Variants in UNC5D observed in about 807,000 individuals in gnomAD.
UNC5D encodes the protein unc-5 netrin receptor D.
UNC5D carries 39 observed loss-of-function variants against 105.4 expected under a neutral mutation model. That is an observed-to-expected ratio of 0.37 (90% CI 0.29 to 0.48). UNC5D has a LOEUF of 0.48. Among genes scored for constraint, UNC5D ranks in the 20% least tolerant of loss-of-function variants. The pLI is 0.98. For missense variants in UNC5D, 991 were observed against 1,202.4 expected (o/e 0.82, Z 2.60); for synonymous variants, 452 against 450.4 (o/e 1.00, Z -0.04).
intron 4 of UNC5D, among the ~76,000 whole-genome samples, chr8:35,643,272 G>T (rs1315505136): frequency 6.6e-6 from 1 of 152,238 alleles, no homozygotes; most frequent in East Asian, 1.9e-4. Context: ...GGAGGAAAAA[G>T]TCGCCCTTGG....
chr8:35,447,641 T>C (rs1476613171), intron 1 of UNC5D, among the ~76,000 whole-genome samples: 2 of 152,062 alleles, frequency 1.3e-5, no homozygotes, highest in Non-Finnish European at 2.9e-5. Flanking sequence ...TGGCAGACAA[T>C]TGTGTCCCCG....
chr8:35,492,530 C>G lies in UNC5D; in HGVS notation c.104-56762C>G, dbSNP rs542709778. ...TGTGTAAGGGCAAGAAGGATTTTTC[C>G]TCTTCCTCTGAAAGAGGAAGTCTGC... On this transcript the variant is annotated intron_variant, in intron 1 of 16. Transcript: ENST00000404895. Among the ~76,000 whole-genome samples the G allele has an allele frequency of 2.0e-5, 3 of 152,148 alleles. No homozygotes were observed. In the South Asian group the frequency reaches 6.2e-4, roughly 32 times the overall value.
At chr8:35,263,789 G>A (rs1804648248) in intron 1 of UNC5D, among the ~76,000 whole-genome samples, 1 of 152,160 alleles carries the variant, frequency 6.6e-6, no homozygotes, top group Admixed American at 6.5e-5. Context: ...AATCCTCCTG[G>A]ATGATCATCA....
chr8:35,339,763 G>A (rs191799438), intron 1 of UNC5D, among the ~76,000 whole-genome samples: 3 of 152,280 alleles, frequency 2.0e-5, no homozygotes, highest in Admixed American at 2.0e-4. Context: ...GGTTTATCTG[G>A]GGAGCCAGCA....
intron 1 of UNC5D, among the ~76,000 whole-genome samples, chr8:35,384,154 A>AG (rs1803225732): frequency 6.6e-6 from 1 of 150,678 alleles, no homozygotes; most frequent in African/African-American, 2.4e-5. Flanking sequence ...TGTGAGGCGG[A>AG]GTTGCAGTAA....
At chr8:35,356,424 T>A (rs1249890248) in intron 1 of UNC5D, among the ~76,000 whole-genome samples, 1 of 152,140 alleles carries the variant, frequency 6.6e-6, no homozygotes, top group African/African-American at 2.4e-5. Context: ...TGTCACCAGT[T>A]GGAACACATT....
chr8:35,406,588 A>G (rs1804815565), intron 1 of UNC5D, among the ~76,000 whole-genome samples: 1 of 152,188 alleles, frequency 6.6e-6, no homozygotes. Context: ...AGCTTCAAAA[A>G]GTATATTTCC....
At chr8:35,548,395 T>C (rs1252100060) in intron 1 of UNC5D, among the ~76,000 whole-genome samples, 1 of 152,204 alleles carries the variant, frequency 6.6e-6, no homozygotes, top group African/African-American at 2.4e-5. Context: ...GGGTACAAGA[T>C]GCCACTCCTC....
intron 16 of UNC5D, among the ~76,000 whole-genome samples, chr8:35,775,705 T>C (rs1222866038): frequency 6.6e-6 from 1 of 152,090 alleles, no homozygotes; most frequent in East Asian, 1.9e-4. Context: ...CCTACCTGAC[T>C]CTTTCTTCTC....
At chr8:35,676,873 G>A (rs968002290) in intron 4 of UNC5D, among the ~76,000 whole-genome samples, 6 of 151,884 alleles carry the variant, frequency 4.0e-5, no homozygotes, top group African/African-American at 1.2e-4. Flanking sequence ...TGTGGACGAG[G>A]GGGGCAAATC....
intron 1 of UNC5D, among the ~76,000 whole-genome samples, chr8:35,474,765 T>C (rs1175135645): frequency 6.6e-6 from 1 of 152,158 alleles, no homozygotes; most frequent in Admixed American, 6.5e-5. Flanking sequence ...CATGAGGCCA[T>C]TGAGATTTCA....
chr8:35,714,079 G>GATATCC (rs1828115734), intron 8 of UNC5D, among the ~76,000 whole-genome samples: 1 of 152,192 alleles, frequency 6.6e-6, no homozygotes, highest in South Asian at 2.1e-4. Context: ...GGGTGGAGGG[G>GATATCC]ACTGGTCCAT....
At chr8:35,507,618 T>A (rs1035860465) in intron 1 of UNC5D, among the ~76,000 whole-genome samples, 5 of 147,454 alleles carry the variant, frequency 3.4e-5, no homozygotes, top group African/African-American at 1.3e-4. Context: ...AGTAGTGGGG[T>A]GATGGGGGAG....
At chr8:35,775,602 C>A (rs1390616637) in intron 16 of UNC5D, among the ~76,000 whole-genome samples, 1 of 150,770 alleles carries the variant, frequency 6.6e-6, no homozygotes, top group African/African-American at 2.5e-5. Context: ...TCCTTTGGTA[C>A]TATTTTTTTT....
intron 3 of UNC5D, among the ~76,000 whole-genome samples, chr8:35,570,882 C>T (rs1314074926): frequency 1.3e-5 from 2 of 151,910 alleles, no homozygotes; most frequent in Non-Finnish European, 1.5e-5. Flanking sequence ...CACTTGAACC[C>T]GGGAGGCAGA....
chr8:35,478,739 T>G (rs1057271743), intron 1 of UNC5D, among the ~76,000 whole-genome samples: 23 of 152,210 alleles, frequency 1.5e-4, no homozygotes, highest in Non-Finnish European at 3.1e-4. Context: ...ACATTAAACA[T>G]TCTATGCTTT....
intron 4 of UNC5D, among the ~76,000 whole-genome samples, chr8:35,624,871 A>C (rs1821607621): frequency 6.6e-6 from 1 of 152,206 alleles, no homozygotes; most frequent in South Asian, 2.1e-4. Flanking sequence ...CATTTCACAT[A>C]TATATGTGAC....
intron 1 of UNC5D, among the ~76,000 whole-genome samples, chr8:35,417,723 T>G (rs758172990): frequency 1.3e-5 from 2 of 152,212 alleles, no homozygotes; most frequent in Non-Finnish European, 2.9e-5. Context: ...TGTCTTCACC[T>G]TTTTGTTATT....
chr8:35,719,858 G>GCACTGGCTTTCTTTCCCTA (rs1339209940), intron 8 of UNC5D, among the ~76,000 whole-genome samples: 1 of 151,952 alleles, frequency 6.6e-6, no homozygotes, highest in East Asian at 1.9e-4. Flanking sequence ...TGCTCGCCAT[G>GCACTGGCTTTCTTTCCCTA]CACTGGCTTT....
Sources: allele counts gnomAD v4.1 joint callset (sites outside exome capture counted in the v4.1 genomes callset), GRCh38; gene constraint gnomAD v4.1.1; transcripts MANE v1.5; gene names NCBI Gene and HGNC (gene_info 2026-07-23, HGNC 2026-07-21).